Variants in EML6 observed in about 807,000 individuals in gnomAD.
EML6 encodes the protein EMAP like 6, also known as echinoderm microtubule-associated protein-like 6.
Under a neutral mutation model 240.1 loss-of-function variants are expected in EML6, and 154 were observed. The observed-to-expected ratio is 0.64, with a 90% CI of 0.56 to 0.73. EML6 has a LOEUF of 0.73. Ranked by LOEUF, EML6 falls within the 30% of genes least tolerant of loss-of-function variation. EML6 has a pLI of 0.00. For missense variants in EML6, 2,964 were observed against 2,474.6 expected (o/e 1.20, Z -4.20); for synonymous variants, 1,148 against 899.0 (o/e 1.28, Z -4.95).
At chr2:54,733,334 A>G (rs1044222448) in intron 2 of EML6, among the ~76,000 whole-genome samples, 2 of 152,246 alleles carry the variant, frequency 1.3e-5, no homozygotes, top group African/African-American at 4.8e-5. Flanking sequence ...AGTTGATTTT[A>G]TGGATAGGAA....
intron 7 of EML6, among the ~76,000 whole-genome samples, chr2:54,841,062 A>C (rs1282073030): frequency 6.6e-6 from 1 of 150,516 alleles, no homozygotes; most frequent in Non-Finnish European, 1.5e-5. Flanking sequence ...GTGGTAATGA[A>C]ACCCCGAAAA....
chr2:54,905,349 C>G (rs897027658), intron 24 of EML6, among the ~76,000 whole-genome samples: 1 of 149,878 alleles, frequency 6.7e-6, no homozygotes, highest in Non-Finnish European at 1.5e-5. Context: ...CACACACACA[C>G]ACACACACAC....
At chr2:54,956,490 G>C (rs7584992) in intron 32 of EML6, among the ~76,000 whole-genome samples, 1 of 152,036 alleles carries the variant, frequency 6.6e-6, no homozygotes, top group East Asian at 1.9e-4. Flanking sequence ...CTTTCTTCCC[G>C]TATGTTGTGT....
intron 11 of EML6, 149 bp from the exon 12 acceptor site, chr2:54,859,385 T>C (rs997451443): frequency 1.6e-6 from 1 of 637,218 alleles, no homozygotes; most frequent in Non-Finnish European, 2.6e-6. Context: ...TTTGAAGCAT[T>C]TGGTTATTTG....
intron 10 of EML6, 50 bp from the exon 11 acceptor site, chr2:54,853,588 ATAAAT>A (rs1185154122): frequency 1.0e-4 from 113 of 1,106,600 alleles, no homozygotes; most frequent in Middle Eastern, 6.0e-4. Flanking sequence ...TTTATAAAAA[ATAAAT>A]TAGAATAAAC....
At chr2:54,963,828 C>T (rs1487287983) in intron 36 of EML6, among the ~76,000 whole-genome samples, 158 bp from the exon 37 acceptor site, 2 of 152,240 alleles carry the variant, frequency 1.3e-5, no homozygotes, top group African/African-American at 4.8e-5. Flanking sequence ...TACAGCTCTG[C>T]TCAGTTATTC....
intron 2 of EML6, among the ~76,000 whole-genome samples, chr2:54,751,569 A>G (rs1192953251): frequency 3.3e-5 from 5 of 152,230 alleles, no homozygotes; most frequent in Admixed American, 2.0e-4. Flanking sequence ...TCCGCAGCAC[A>G]CAGTAATACC....
intron 5 of EML6, among the ~76,000 whole-genome samples, chr2:54,824,161 C>G (rs1668475547): frequency 6.6e-6 from 1 of 152,100 alleles, no homozygotes; most frequent in Non-Finnish European, 1.5e-5. Flanking sequence ...TGATTCCTTC[C>G]TATCTCTTTC....
chr2:54,909,951 A>AT (rs760279809), intron 24 of EML6, among the ~76,000 whole-genome samples: 2 of 151,848 alleles, frequency 1.3e-5, no homozygotes, highest in East Asian at 3.9e-4. Context: ...AAAAGTTCTT[A>AT]TTTTGGTATT....
At chr2:54,965,495 T>G (rs1401032214) in intron 38 of EML6, among the ~76,000 whole-genome samples, 9 of 152,352 alleles carry the variant, frequency 5.9e-5, no homozygotes, top group Non-Finnish European at 1.3e-4. Context: ...CACGCAGAGC[T>G]GGCTGTGCGG....
chr2:54,808,902 T>G (rs897419809), intron 2 of EML6, among the ~76,000 whole-genome samples: 1 of 152,230 alleles, frequency 6.6e-6, no homozygotes, highest in African/African-American at 2.4e-5. Context: ...ATGAAAGTCC[T>G]TCTCTGCAGT....
chr2:54,798,319 C>G (rs113478987), intron 2 of EML6, among the ~76,000 whole-genome samples: 2 of 152,002 alleles, frequency 1.3e-5, no homozygotes, highest in African/African-American at 4.8e-5. Context: ...ATTATAGGTG[C>G]GCACCACCAT....
chr2:54,896,694 C>G (rs1300942407), intron 21 of EML6, among the ~76,000 whole-genome samples: 1 of 152,180 alleles, frequency 6.6e-6, no homozygotes, highest in African/African-American at 2.4e-5. Context: ...GCCTTGATCT[C>G]TGAGTGATTG....
intron 17 of EML6, among the ~76,000 whole-genome samples, chr2:54,889,363 C>T (rs866610132): frequency 2.0e-5 from 3 of 151,328 alleles, no homozygotes; most frequent in Non-Finnish European, 4.4e-5. Flanking sequence ...TTTATTGGAA[C>T]TAAGTTGAAT....
chr2:54,905,952 C>T (rs891358365), intron 24 of EML6, among the ~76,000 whole-genome samples: 2 of 152,188 alleles, frequency 1.3e-5, no homozygotes, highest in Non-Finnish European at 2.9e-5. Flanking sequence ...GTGGCTGCCA[C>T]ATTTCAGCCA....
intron 12 of EML6, 27 bp from the exon 13 acceptor site, chr2:54,863,756 T>A: frequency 1.5e-6 from 2 of 1,296,632 alleles, no homozygotes; most frequent in Non-Finnish European, 2.2e-6. Context: ...AATTTTTGCT[T>A]GTTTCTTGTG....
intron 40 of EML6, 107 bp from the exon 41 acceptor site, chr2:54,968,561 C>T (rs1361771522): frequency 1.8e-5 from 13 of 742,610 alleles, no homozygotes; most frequent in Non-Finnish European, 2.1e-5. Flanking sequence ...TGGAAGTCCC[C>T]AGTGAAGGAA....
chr2:54,787,491 A>G (rs567043450), intron 2 of EML6, among the ~76,000 whole-genome samples: 2 of 152,286 alleles, frequency 1.3e-5, no homozygotes, highest in African/African-American at 4.8e-5. Flanking sequence ...CGTGAGCCGC[A>G]GTATGTTTGT....
intron 14 of EML6, 104 bp downstream of exon 14, chr2:54,866,988 C>T (rs766398359): frequency 9.5e-5 from 59 of 621,188 alleles, no homozygotes; most frequent in Non-Finnish European, 1.6e-4. Flanking sequence ...CAGTGTCGTC[C>T]TCCTCCTGGC....
Sources: allele counts gnomAD v4.1 joint callset (sites outside exome capture counted in the v4.1 genomes callset), GRCh38; gene constraint gnomAD v4.1.1; transcripts MANE v1.5; gene names NCBI Gene and HGNC (gene_info 2026-07-23, HGNC 2026-07-21).